MTTP: variants seen among roughly 807,000 people sequenced by gnomAD.
The protein encoded by MTTP is microsomal triglyceride transfer protein, also known as microsomal triglyceride transfer protein large subunit.
Under a neutral mutation model 90.6 loss-of-function variants are expected in MTTP, and 49 were observed. That is an observed-to-expected ratio of 0.54 (90% confidence interval 0.43 to 0.69). The LOEUF (loss-of-function observed/expected upper bound fraction) is 0.69, where lower values mean the gene tolerates loss of function less well. Ranked by LOEUF, MTTP falls within the 30% of genes least tolerant of loss-of-function variation. The pLI is 0.00. For missense variants in MTTP, 945 were observed against 1,067.5 expected (o/e 0.89, Z 1.60); for synonymous variants, 347 against 384.2 (o/e 0.90, Z 1.13).
At chr4:99,584,551 A>T (rs1034060693) in intron 3 of MTTP, among the ~76,000 whole-genome samples, 1 of 150,608 alleles carries the variant, frequency 6.6e-6, no homozygotes, top group Non-Finnish European at 1.5e-5. Context: ...TTGTGTTTTC[A>T]CCTCGCCTAC....
intron 10 of MTTP, among the ~76,000 whole-genome samples, chr4:99,604,336 C>CA (rs1183346428): frequency 6.6e-6 from 1 of 152,134 alleles, no homozygotes; most frequent in Non-Finnish European, 1.5e-5. Flanking sequence ...AGTGCACAAC[C>CA]AGTACTATGC....
upstream of MTTP, chr4:99,570,964 A>G (rs1724828537): frequency 3.0e-6 from 1 of 333,752 alleles, no homozygotes; most frequent in Non-Finnish European, 5.9e-6. Context: ...TCTGACCTCC[A>G]AGAGTATAAG....
chr4:99,614,046 A>G (rs1374460560), intron 15 of MTTP, among the ~76,000 whole-genome samples: 1 of 152,210 alleles, frequency 6.6e-6, no homozygotes, highest in Non-Finnish European at 1.5e-5. Flanking sequence ...TCTAATTCAT[A>G]CTTATTATAT....
chr4:99,583,944 C>T (rs576991313), intron 3 of MTTP: 123 of 216,200 alleles, frequency 5.7e-4, no homozygotes, highest in African/African-American at 2.4e-3. Context: ...ATGAGATTAT[C>T]GATATCTGGC....
At chr4:99,564,828 A>G (rs1560607945) in intron 1 of MTTP, among the ~76,000 whole-genome samples, 1 of 152,258 alleles carries the variant, frequency 6.6e-6, no homozygotes, top group Non-Finnish European at 1.5e-5. Flanking sequence ...TAAAGGCTTC[A>G]GTGAATAGAA....
intron 3 of MTTP, among the ~76,000 whole-genome samples, chr4:99,588,070 A>G (rs1725299954): frequency 6.6e-6 from 1 of 152,158 alleles, no homozygotes; most frequent in Admixed American, 6.6e-5. Flanking sequence ...TAAATCCATC[A>G]CTAGGCAGAG....
chr4:99,607,016 G>A (rs1725835038), intron 11 of MTTP, 56 bp downstream of exon 11: 2 of 1,457,114 alleles, frequency 1.4e-6, no homozygotes, highest in Non-Finnish European at 1.9e-6. Flanking sequence ...AAAGCATGCT[G>A]AACATGAGTC....
In MTTP at chr4:99,581,984, C is replaced by A. The variant is rs1277102208; in HGVS notation, c.141C>A (p.Gly47=). ...TYSTEVLLDR[G]KGKLQDSVGY... is the part of the protein sequence containing the mutation. ...CCACTGAAGTTCTTCTTGATCGGGG[C>A]AAAGGAAAACTGCAAGACAGCGTGG... Residue 47 remains glycine, a synonymous_variant, in exon 2 of 18, where the codon GGC becomes GGA. Transcript: ENST00000265517. The A allele has an allele frequency of 6.2e-7, 1 of 1,614,116 alleles. No individual in the cohort carries two copies. The highest frequency in any genetic ancestry group is 8.5e-7 in the Non-Finnish European group (1 of 1,179,974).
chr4:99,609,150 T>C (rs1578251666), intron 12 of MTTP, among the ~76,000 whole-genome samples, 173 bp downstream of exon 12: 1 of 152,312 alleles, frequency 6.6e-6, no homozygotes, highest in South Asian at 2.1e-4. Flanking sequence ...TGAAACAACT[T>C]CACTTTGGCA....
At chr4:99,570,689 G>C (rs982410797), upstream of MTTP, 5 of 455,516 alleles carry the variant, frequency 1.1e-5, no homozygotes, top group Non-Finnish European at 2.2e-5. Flanking sequence ...AGATTATCCT[G>C]GATTATTTAG....
chr4:99,618,729 T>A (rs1348814242), intron 15 of MTTP, among the ~76,000 whole-genome samples: 3 of 152,170 alleles, frequency 2.0e-5, no homozygotes, highest in Non-Finnish European at 4.4e-5. Context: ...AAGGAAAACA[T>A]CCTTCTTAAT....
chr4:99,582,301 T>A lies in MTTP; in HGVS notation c.249+209T>A, dbSNP rs1182949217. 2.0e-5 allele frequency among the ~76,000 whole-genome samples: 3 copies of A among 152,212 alleles called. No individual in the cohort carries two copies. The East Asian group carries it at 5.8e-4, about 29-fold the overall frequency. On this transcript the variant is annotated intron_variant, in intron 2 of 17. Transcript: ENST00000265517. The stretch of plus-strand genomic sequence containing the variant: ...AGTTATTGCAACAGACAATAGAAGG[T>A]ATATACTGGTAAACGACCAGAGTAT...
At chr4:99,566,857 G>A (rs1252271871) in intron 1 of MTTP, among the ~76,000 whole-genome samples, 1 of 152,210 alleles carries the variant, frequency 6.6e-6, no homozygotes, top group East Asian at 1.9e-4. Flanking sequence ...GAACCCCTCC[G>A]TAAGTTTGAT....
Position 99,611,448 on chromosome 4 carries a change from A to C in MTTP, c.1984A>C (p.Ser662Arg). Residue 662 changes from serine to arginine, a missense_variant, in exon 14 of 18, where the codon AGC (serine) becomes CGC (arginine). Coordinates refer to ENST00000265517, the MANE Select transcript of MTTP (RefSeq NM_001386140.1). ...QYIGKAGLHG[S>R]QVVIEAQGLE... is the part of the protein sequence containing the mutation. Reference sequence around the variant, plus strand: ...CATTGGGAAGGCTGGTCTTCACGGTAGCCAGGTAACTCACTTCTCATGGAT... The same window carrying C: ...CATTGGGAAGGCTGGTCTTCACGGTCGCCAGGTAACTCACTTCTCATGGAT... The C allele has an allele frequency of 6.2e-7, 1 of 1,614,076 alleles. No homozygotes were observed. The highest frequency in any genetic ancestry group is 1.7e-4 in the Middle Eastern group (1 of 6,060).
At chr4:99,595,740 TTTC>T (rs1415549245) in intron 7 of MTTP, 1 of 150,082 alleles carries the variant, frequency 6.7e-6, no homozygotes, top group Non-Finnish European at 1.5e-5. Context: ...TCAAACATTG[TTTC>T]TTCTTTTACC....
At chr4:99,575,009 T>C in intron 1 of MTTP, 39 bp downstream of exon 1, 1 of 1,607,992 alleles carries the variant, frequency 6.2e-7, no homozygotes, top group Non-Finnish European at 8.5e-7. Flanking sequence ...TTAATTTCCA[T>C]CTTTGGAGTT....
In MTTP at chr4:99,603,004, T is replaced by A. The variant is rs552051790; in HGVS notation, c.1344+1290T>A. The stretch of plus-strand genomic sequence containing the variant: ...ACAGAAGATGCAGCAACGTTTTCTG[T>A]TTGAGTGTGCTCGAGAAGTTTCCAC... On this transcript the variant is annotated intron_variant, in intron 10 of 17. Transcript: ENST00000265517. 1.4e-3 allele frequency among the ~76,000 whole-genome samples: 219 copies of A among 152,300 alleles called. 2 individuals are homozygous for A. Among genetic ancestry groups the A allele is most frequent in the African/African-American group, 5.2e-3 (215 of 41,580 alleles).
rs892881044 is a variant in MTTP at position 99,596,926 on chromosome 4, G to C, written c.910-141G>C. On this transcript the variant is annotated intron_variant, in intron 7 of 17. Coordinates refer to ENST00000265517, the MANE Select transcript of MTTP (RefSeq NM_001386140.1). ...AGGGGTATGATATGGGCAGGGAACT[G>C]TCATGTGTATTGAGGTAAGGTACAA... is the stretch of plus-strand genomic sequence containing the variant. The C allele has an allele frequency of 5.1e-6, 5 of 988,822 alleles. No homozygotes were observed. In the African/African-American group the frequency reaches 7.9e-5, roughly 16 times the overall value. The allele number at this position is 988,822 out of a possible 1,614,324, so 61.3% of individuals were successfully genotyped here. A position where few individuals can be genotyped will look rare whatever the true frequency, so the allele number is the denominator to read the frequency against.
intron 2 of MTTP, among the ~76,000 whole-genome samples, chr4:99,582,755 C>G (rs984124049): frequency 1.3e-5 from 2 of 152,122 alleles, no homozygotes; most frequent in African/African-American, 4.8e-5. Flanking sequence ...AACAGGTACA[C>G]AGGACAAAGT....
Sources: allele counts gnomAD v4.1 joint callset (sites outside exome capture counted in the v4.1 genomes callset), GRCh38; gene constraint gnomAD v4.1.1; transcripts MANE v1.5; gene names NCBI Gene and HGNC (gene_info 2026-07-23, HGNC 2026-07-21).